Variants in PPA1 observed in about 807,000 individuals in gnomAD.
The protein encoded by PPA1 is inorganic pyrophosphatase.
A neutral mutation model predicts 41.8 loss-of-function variants in PPA1; 23 were observed. That is an observed-to-expected ratio of 0.55 (90% CI 0.40 to 0.78). PPA1 has a LOEUF of 0.78. Ranked by LOEUF, PPA1 falls within the 30% of genes least tolerant of loss-of-function variation. PPA1 has a pLI of 0.00. For synonymous variants in PPA1, 101 were observed against 116.8 expected (o/e 0.86, Z 0.87); for missense variants, 320 against 361.6 (o/e 0.89, Z 0.93).
At chr10:70,211,045 G>A (rs1317396659) in intron 6 of PPA1, among the ~76,000 whole-genome samples, 5 of 152,188 alleles carry the variant, frequency 3.3e-5, no homozygotes. Flanking sequence ...TTACAGGCGT[G>A]AGCCACCGCG....
chr10:70,225,346 C>G (rs983004096), intron 2 of PPA1, among the ~76,000 whole-genome samples: 2 of 151,876 alleles, frequency 1.3e-5, no homozygotes, highest in African/African-American at 4.8e-5. Flanking sequence ...GCCTCCTGGA[C>G]CACAGGCACC....
chr10:70,208,354 T>C (rs1022891077), intron 8 of PPA1, among the ~76,000 whole-genome samples: 4 of 152,188 alleles, frequency 2.6e-5, no homozygotes, highest in African/African-American at 9.7e-5. Context: ...TTTTTTTTCT[T>C]TTGAGACAGG....
At position 70,230,334 on chromosome 10, in the gene PPA1, G is replaced by A; in HGVS notation, c.123+7C>T. On this transcript the variant is annotated splice_region_variant and intron_variant, in intron 2 of 10. Transcript: ENST00000373232. ...AGAGACTGTGTCCAAAAACAAGGATGCCTTACCTTATCTGCATAAATTGGA... is the reference window on the plus strand; with the variant it reads ...AGAGACTGTGTCCAAAAACAAGGATACCTTACCTTATCTGCATAAATTGGA... The A allele has an allele frequency of 6.2e-7, 1 of 1,612,894 alleles. No homozygotes were observed. The highest frequency in any genetic ancestry group is 1.1e-5 in the South Asian group (1 of 90,824).
In PPA1 at chr10:70,207,734, G is replaced by A. The variant is rs560427003; in HGVS notation, c.726-1401C>T. Among the ~76,000 whole-genome samples, 14 of 152,222 alleles carry A rather than the reference G, an allele frequency of 9.2e-5. No homozygotes were observed. The South Asian group carries it at 2.7e-3, about 29-fold the overall frequency. On this transcript the variant is annotated intron_variant, in intron 8 of 10. Coordinates refer to ENST00000373232, the MANE Select transcript of PPA1 (RefSeq NM_021129.4). ...AATTTTAAAAATCGTAAGACAAGTC[G>A]TGTATATAATACAATCCTAATATGT... is the stretch of plus-strand genomic sequence containing the variant.
chr10:70,229,927 T>G (rs1840270097), intron 2 of PPA1, among the ~76,000 whole-genome samples: 1 of 152,184 alleles, frequency 6.6e-6, no homozygotes, highest in East Asian at 1.9e-4. Flanking sequence ...CCTTTTTTTT[T>G]GAGACAGGGT....
chr10:70,207,286 G>A (rs1464695699), intron 8 of PPA1, among the ~76,000 whole-genome samples: 1 of 152,098 alleles, frequency 6.6e-6, no homozygotes, highest in African/African-American at 2.4e-5. Flanking sequence ...ATTAAAAATA[G>A]TTTATCCTTC....
At chr10:70,208,486 T>C (rs568215146) in intron 8 of PPA1, among the ~76,000 whole-genome samples, 1 of 151,888 alleles carries the variant, frequency 6.6e-6, no homozygotes, top group Admixed American at 6.6e-5. Context: ...CCACCATGCC[T>C]GGCTAATTTT....
chr10:70,203,031 C>G lies in PPA1; in HGVS notation c.*124G>C. 2.1e-6 allele frequency: 2 copies of G among 944,142 alleles called. No individual in the cohort carries two copies. Among genetic ancestry groups the G allele is most frequent in the South Asian group, 2.8e-5 (2 of 72,332 alleles). 58.5% of individuals were successfully genotyped at this position (944,142 alleles called of 1,614,324 possible). A position where few individuals can be genotyped will look rare whatever the true frequency, so the allele number is the denominator to read the frequency against. On this transcript the variant is annotated 3_prime_UTR_variant, in exon 11 of 11. Transcript: ENST00000373232. ...TCTGAGTATATTGGATTAGTCACAG[C>G]AGAATTTACTTTAGTTAGATGAGTT...
intron 1 of PPA1, among the ~76,000 whole-genome samples, chr10:70,231,960 TTTCCTACAGAGAAATTCTGGA>T (rs1589900685): frequency 1.3e-5 from 2 of 152,340 alleles, no homozygotes; most frequent in East Asian, 3.9e-4. Flanking sequence ...TCTGTAAGCC[TTTCCTACAGAGAAATTCTGGA>T]GCCAACACTA....
rs745587066 is a variant in PPA1, at chr10:70,209,250, C to A, written c.680G>T (p.Trp227Leu). The A allele has an allele frequency of 6.2e-7, 1 of 1,603,440 alleles. No homozygotes were observed. The highest frequency in any genetic ancestry group is 8.5e-7 in the Non-Finnish European group (1 of 1,170,840). Reference sequence around the variant, plus strand: ...CGTTTTCTTAGTCACTAATGCTTTCCAATGGTCATGAGTGCTTTTAATAAT... The same window carrying A: ...CGTTTTCTTAGTCACTAATGCTTTCAAATGGTCATGAGTGCTTTTAATAAT... The part of the protein sequence containing the change: ...IDIIKSTHDH[W>L]KALVTKKTNG... The change falls in exon 8 of 11, where the codon TGG (tryptophan) becomes TTG (leucine). Residue 227 changes from tryptophan to leucine, a missense_variant. Coordinates refer to ENST00000373232, the MANE Select transcript of PPA1 (RefSeq NM_021129.4).
intron 2 of PPA1, among the ~76,000 whole-genome samples, chr10:70,221,084 T>A (rs1195580943): frequency 0.017 from 588 of 35,028 alleles, 37 homozygotes; most frequent in Admixed American, 0.076. Context: ...ATATTTTTTT[T>A]TTTTTTTTTT....
chr10:70,208,300 C>T (rs939601360), intron 8 of PPA1, among the ~76,000 whole-genome samples: 4 of 151,606 alleles, frequency 2.6e-5, no homozygotes, highest in African/African-American at 7.3e-5. Context: ...TCGTAAGATA[C>T]GAAAAAATAG....
chr10:70,232,747 T>A (rs975459658), intron 1 of PPA1, among the ~76,000 whole-genome samples: 2 of 151,996 alleles, frequency 1.3e-5, no homozygotes, highest in Non-Finnish European at 2.9e-5. Flanking sequence ...CGGCTCCCGA[T>A]CCGGGCCTCA....
intron 2 of PPA1, among the ~76,000 whole-genome samples, chr10:70,225,904 T>G (rs752255726): frequency 1.3e-5 from 2 of 152,206 alleles, no homozygotes; most frequent in South Asian, 2.1e-4. Context: ...TAAAAGTATA[T>G]GGATACCTGA....
chr10:70,221,276 C>T (rs1475982431), intron 2 of PPA1, among the ~76,000 whole-genome samples: 1 of 150,136 alleles, frequency 6.7e-6, no homozygotes, highest in East Asian at 2.0e-4. Flanking sequence ...TCAATAATTA[C>T]CTGCTGCTAC....
chr10:70,207,933 C>T lies in PPA1; in HGVS notation c.725+1272G>A, dbSNP rs548371092. Among the ~76,000 whole-genome samples, 265 of 69,466 alleles carry T rather than the reference C, an allele frequency of 3.8e-3. 1 individual carries two copies. Among genetic ancestry groups the T allele is most frequent in the Middle Eastern group, 0.019 (3 of 158 alleles). The allele number at this position is 69,466 out of a possible 152,430, so 45.6% of individuals were successfully genotyped here. A position where few individuals can be genotyped will look rare whatever the true frequency, so the allele number is the denominator to read the frequency against. On this transcript the variant is annotated intron_variant, in intron 8 of 10. Coordinates refer to ENST00000373232, the MANE Select transcript of PPA1 (RefSeq NM_021129.4). ...CAAGGCCGGGTGTGGTGGCTCACGC[C>T]TGTAATCCCACCACTTTGGGAGGCC...
chr10:70,221,080 T>A (rs374721278), intron 2 of PPA1, among the ~76,000 whole-genome samples: 2,530 of 12,898 alleles, frequency 0.2, 263 homozygotes, highest in South Asian at 0.25. Flanking sequence ...ATATATATTT[T>A]TTTTTTTTTT....
intron 9 of PPA1, 31 bp from the exon 10 acceptor site, chr10:70,204,946 CT>C: frequency 1.3e-6 from 2 of 1,520,630 alleles, no homozygotes; most frequent in Non-Finnish European, 1.8e-6. Context: ...ATCTATTAGT[CT>C]AATCTCATTT....
Position 70,227,650 on chromosome 10 carries a change from C to CAAAAAAAA in PPA1, c.123+2683_123+2690dup, listed in dbSNP as rs11382289. ...TGAGTGACAAAGTGAAACCCTATCT[C>CAAAAAAAA]AAAAAAAAAAAAAAAAAAAAAAAAA... On this transcript the variant is annotated intron_variant, in intron 2 of 10. Coordinates refer to ENST00000373232, the MANE Select transcript of PPA1 (RefSeq NM_021129.4). Among the ~76,000 whole-genome samples the CAAAAAAAA allele has an allele frequency of 4.0e-5, 3 of 75,124 alleles. 1 individual carries two copies. Among genetic ancestry groups the CAAAAAAAA allele is most frequent in the Non-Finnish European group, 7.1e-5 (3 of 42,534 alleles). 49.3% of individuals were successfully genotyped at this position (75,124 alleles called of 152,430 possible).
Sources: gnomAD v4.1 joint callset for allele counts (sites outside exome capture counted in the v4.1 genomes callset) on GRCh38, gnomAD v4.1.1 for gene constraint, MANE v1.5 for transcripts, NCBI Gene and HGNC (gene_info 2026-07-23, HGNC 2026-07-21) for gene names.